RARS2: variants seen among roughly 807,000 people sequenced by gnomAD.
The protein encoded by RARS2 is probable arginine--tRNA ligase, mitochondrial.
Under a neutral mutation model 88.5 loss-of-function variants are expected in RARS2, and 67 were observed. That is an observed-to-expected ratio of 0.76 (90% CI 0.62 to 0.93). RARS2 has a LOEUF of 0.93. Ranked by LOEUF, RARS2 falls within the 40% of genes least tolerant of loss-of-function variation. The pLI, the probability that RARS2 is intolerant of heterozygous loss-of-function variation, is 0.00. For synonymous variants in RARS2, 239 were observed against 230.3 expected (o/e 1.04, Z -0.34); for missense variants, 664 against 684.2 (o/e 0.97, Z 0.33).
intron 10 of RARS2, among the ~76,000 whole-genome samples, chr6:87,528,242 C>CA (rs71018029): frequency 0.014 from 1,705 of 119,664 alleles, 20 homozygotes; most frequent in African/African-American, 0.039. Context: ...GCTTTTATAA[C>CA]AAAAAAAAAA....
intron 5 of RARS2, among the ~76,000 whole-genome samples, chr6:87,551,793 G>T (rs1209215630): frequency 6.6e-6 from 1 of 152,052 alleles, no homozygotes; most frequent in Non-Finnish European, 1.5e-5. Context: ...TCTGTTTTGC[G>T]AGAAGAGTGT....
chr6:87,577,686 A>C (rs953484516), intron 1 of RARS2, among the ~76,000 whole-genome samples: 3 of 152,236 alleles, frequency 2.0e-5, no homozygotes, highest in Non-Finnish European at 4.4e-5. Context: ...TATGGTTACT[A>C]AACAGACTAT....
At chr6:87,556,809 A>AAT (rs1554204344) in intron 4 of RARS2, among the ~76,000 whole-genome samples, 9,844 of 130,302 alleles carry the variant, frequency 0.076, 528 homozygotes, top group East Asian at 0.11. Flanking sequence ...AAAAAAAAAA[A>AAT]TTTTTTTTTT....
At chr6:87,587,895 C>G (rs1775633974) in intron 1 of RARS2, among the ~76,000 whole-genome samples, 1 of 152,130 alleles carries the variant, frequency 6.6e-6, no homozygotes, top group Non-Finnish European at 1.5e-5. Flanking sequence ...CTCAGCTTCC[C>G]AAGCAGCTGG....
intron 2 of RARS2, 134 bp downstream of exon 2, chr6:87,569,383 T>TA (rs1768905505): frequency 2.8e-6 from 2 of 702,224 alleles, no homozygotes; most frequent in African/African-American, 3.5e-5. Context: ...AGGCTGAGTA[T>TA]AATGAATCAT....
intron 8 of RARS2, among the ~76,000 whole-genome samples, chr6:87,539,127 A>C (rs1780117612): frequency 6.6e-6 from 1 of 152,342 alleles, no homozygotes; most frequent in South Asian, 2.1e-4. Flanking sequence ...TTGCAAGATT[A>C]AATAAAAACT....
intron 4 of RARS2, among the ~76,000 whole-genome samples, chr6:87,562,110 G>A (rs377056160): frequency 2.0e-5 from 3 of 152,132 alleles, no homozygotes; most frequent in East Asian, 1.9e-4. Context: ...GACTACAGGC[G>A]CAAACTATCA....
At chr6:87,562,948 T>C (rs1788311518) in intron 3 of RARS2, among the ~76,000 whole-genome samples, 163 bp from the exon 4 acceptor site, 1 of 152,210 alleles carries the variant, frequency 6.6e-6, no homozygotes, top group African/African-American at 2.4e-5. Context: ...TCCATACTTC[T>C]ATTTAAGTAA....
chr6:87,530,021 T>C (rs995558428), intron 9 of RARS2, among the ~76,000 whole-genome samples: 5 of 152,182 alleles, frequency 3.3e-5, no homozygotes, highest in African/African-American at 1.2e-4. Context: ...TGACAATCTA[T>C]ACTGTTAAAC....
chr6:87,562,884 G>A lies in RARS2; in HGVS notation c.214-99C>T, dbSNP rs184299099. On this transcript the variant is annotated intron_variant, in intron 3 of 19. Coordinates refer to ENST00000369536, the MANE Select transcript of RARS2 (RefSeq NM_020320.5). ...TTTTGGCTTACAAAGACACAAGTAA[G>A]TCATCTTTCATGGTCCCTATATCGG... is the stretch of plus-strand genomic sequence containing the variant. 16 of 884,918 alleles carry A rather than the reference G, an allele frequency of 1.8e-5. No individual in the cohort carries two copies. In the Admixed American group the frequency reaches 2.1e-4, roughly 12 times the overall value. 54.8% of individuals were successfully genotyped at this position (884,918 alleles called of 1,614,324 possible). A position where few individuals can be genotyped will look rare whatever the true frequency, so the allele number is the denominator to read the frequency against.
intron 8 of RARS2, among the ~76,000 whole-genome samples, chr6:87,536,192 C>A (rs1348982633): frequency 6.6e-6 from 1 of 152,022 alleles, no homozygotes; most frequent in African/African-American, 2.4e-5. Flanking sequence ...CTTAGAGATA[C>A]TGTTAGATAA....
intron 9 of RARS2, among the ~76,000 whole-genome samples, 161 bp downstream of exon 9, chr6:87,530,623 T>A (rs778003176): frequency 6.6e-6 from 1 of 152,236 alleles, no homozygotes; most frequent in Admixed American, 6.5e-5. Context: ...CAGGATTATT[T>A]TGCAGTTCTT....
intron 10 of RARS2, among the ~76,000 whole-genome samples, chr6:87,526,704 C>T (rs1383685606): frequency 1.3e-5 from 2 of 148,434 alleles, no homozygotes; most frequent in African/African-American, 5.0e-5. Flanking sequence ...GAATTTCACT[C>T]TTATTGCCCA....
intron 11 of RARS2, among the ~76,000 whole-genome samples, chr6:87,524,312 A>C (rs996336025): frequency 6.6e-6 from 1 of 152,186 alleles, no homozygotes; most frequent in Non-Finnish European, 1.5e-5. Flanking sequence ...ATTTATGTGC[A>C]TGTAAGATGT....
intron 2 of RARS2, chr6:87,564,635 C>T (rs9450741): frequency 0.31 from 94,268 of 306,054 alleles, 14,995 homozygotes; most frequent in Admixed American, 0.41. Context: ...TGCCACTGCA[C>T]TCCAGCCTGG....
At chr6:87,584,356 TCA>T (rs1774490943) in intron 1 of RARS2, among the ~76,000 whole-genome samples, 1 of 152,212 alleles carries the variant, frequency 6.6e-6, no homozygotes, top group South Asian at 2.1e-4. Flanking sequence ...GAGGGTAAAA[TCA>T]CAGACCCTTT....
At chr6:87,535,937 A>G (rs1306168922) in intron 8 of RARS2, among the ~76,000 whole-genome samples, 1 of 152,022 alleles carries the variant, frequency 6.6e-6, no homozygotes, top group African/African-American at 2.4e-5. Context: ...CACCTGCCTC[A>G]GCCTCCCAAA....
At chr6:87,566,352 A>G (rs922961286) in intron 2 of RARS2, among the ~76,000 whole-genome samples, 2 of 152,232 alleles carry the variant, frequency 1.3e-5, no homozygotes, top group Admixed American at 1.3e-4. Flanking sequence ...TAAAAAATAC[A>G]TCAACTTGCT....
intron 1 of RARS2, among the ~76,000 whole-genome samples, chr6:87,578,092 G>A (rs998209586): frequency 2.0e-5 from 3 of 151,048 alleles, no homozygotes; most frequent in Non-Finnish European, 2.9e-5. Flanking sequence ...GACCAGCCTG[G>A]GGCAACATAG....
Sources: gnomAD v4.1 joint callset for allele counts (sites outside exome capture counted in the v4.1 genomes callset) on GRCh38, gnomAD v4.1.1 for gene constraint, MANE v1.5 for transcripts, NCBI Gene and HGNC (gene_info 2026-07-23, HGNC 2026-07-21) for gene names.